Variants in SLTM observed in about 807,000 individuals in gnomAD.
The protein encoded by SLTM is SAFB-like transcription modulator.
SLTM carries 43 observed loss-of-function variants against 134.6 expected under a neutral mutation model. That is an observed-to-expected ratio of 0.32 (90% CI 0.25 to 0.41). SLTM has a LOEUF of 0.41. Ranked by LOEUF, SLTM falls within the 10% of genes least tolerant of loss-of-function variation. The pLI is 1.00. For missense variants in SLTM, 1,055 were observed against 1,288.8 expected, an observed-to-expected ratio of 0.82 and a Z score of 2.78; for synonymous variants, 424 against 432.3, an observed-to-expected ratio of 0.98 and a Z score of 0.24.
At position 58,929,331 on chromosome 15, in the gene SLTM, T is replaced by C. The variant is rs923292320; in HGVS notation, c.250+3025A>G. On this transcript the variant is annotated intron_variant, in intron 2 of 20. Transcript: ENST00000380516. ...GGAGTGGTGGCGCATGCCTGTAATC[T>C]CAGCTACTCGGGAGGCTGAGGCAGG... Among the ~76,000 whole-genome samples the C allele has an allele frequency of 5.9e-5, 9 of 152,050 alleles. No individual in the cohort carries two copies. In the East Asian group the frequency reaches 1.7e-3, roughly 29 times the overall value.
chr15:58,933,399 C>A lies in SLTM; in HGVS notation c.162+5G>T, dbSNP rs944267144. The A allele has an allele frequency of 7.0e-6, 11 of 1,576,522 alleles. No individual in the cohort carries two copies. The African/African-American group carries it at 1.5e-4, about 22-fold the overall frequency. On this transcript the variant is annotated splice_donor_5th_base_variant and intron_variant, in intron 1 of 20. Coordinates refer to ENST00000380516, the MANE Select transcript of SLTM (RefSeq NM_024755.4). ...CGGTCCTTTCCGGTCCTCGCCGGGC[C>A]TCACCTGCTTGAGTCGGGAGATGAG...
chr15:58,922,531 T>C (rs2037142060), intron 2 of SLTM, among the ~76,000 whole-genome samples: 1 of 98,534 alleles, frequency 1.0e-5, no homozygotes, highest in Non-Finnish European at 1.9e-5. Flanking sequence ...TTTATACGTA[T>C]ATAATATATT....
intron 14 of SLTM, among the ~76,000 whole-genome samples, chr15:58,891,990 A>T (rs189057766): frequency 6.6e-6 from 1 of 152,290 alleles, no homozygotes; most frequent in Admixed American, 6.5e-5. Flanking sequence ...TTTGGACTTC[A>T]TCTTAAAAAA....
At chr15:58,887,181 C>A in intron 18 of SLTM, 45 bp downstream of exon 18, 1 of 1,611,570 alleles carries the variant, frequency 6.2e-7, no homozygotes, top group South Asian at 1.1e-5. Flanking sequence ...TTTTTAACCC[C>A]AATGCATGAG....
At chr15:58,887,658 G>A (rs1416442627) in intron 17 of SLTM, 118 bp from the exon 18 acceptor site, 4 of 1,465,056 alleles carry the variant, frequency 2.7e-6, no homozygotes, top group Admixed American at 5.3e-5. Flanking sequence ...TTAAGGCAAA[G>A]CCATGGAAAA....
intron 2 of SLTM, chr15:58,932,010 A>G (rs2037913092): frequency 5.8e-6 from 1 of 173,566 alleles, no homozygotes; most frequent in Admixed American, 5.8e-5. Context: ...TTTGGTAGGA[A>G]TTCCATCAAA....
intron 11 of SLTM, 44 bp downstream of exon 11, chr15:58,894,046 G>C (rs1241629502): frequency 5.0e-6 from 8 of 1,599,418 alleles, no homozygotes; most frequent in Non-Finnish European, 6.8e-6. Context: ...TACCAAAAAA[G>C]TCTATCTGCT....
At chr15:58,894,021 G>C in intron 11 of SLTM, 34 bp from the exon 12 acceptor site, 1 of 1,601,634 alleles carries the variant, frequency 6.2e-7, no homozygotes, top group Non-Finnish European at 8.5e-7. Flanking sequence ...AAAACAGAAT[G>C]AGTACTTCAT....
At position 58,894,646 on chromosome 15, in the gene SLTM, C is replaced by T. The variant is rs557523655; in HGVS notation, c.1228-64G>A. 1.5e-4 allele frequency: 212 copies of T among 1,417,066 alleles called. 2 individuals carry two copies. In the East Asian group the frequency reaches 4.6e-3, roughly 31 times the overall value. The allele number at this position is 1,417,066 out of a possible 1,614,324, so 87.8% of individuals were successfully genotyped here. A position where few individuals can be genotyped will look rare whatever the true frequency, so the allele number is the denominator to read the frequency against. ...TTCCAAGTACACAGACTTCTAAATA[C>T]ATGAAACTTCACAACTGAAACTATA... On this transcript the variant is annotated intron_variant, in intron 9 of 20. Transcript: ENST00000380516.
chr15:58,923,368 T>C (rs1448855191), intron 2 of SLTM, among the ~76,000 whole-genome samples: 2 of 151,926 alleles, frequency 1.3e-5, no homozygotes, highest in African/African-American at 2.4e-5. Context: ...AACAAACAAA[T>C]AAATAAAATA....
Position 58,893,885 on chromosome 15 carries a change from ATTC to A in SLTM, c.1581_1583del (p.Lys527del), listed in dbSNP as rs1368685906. ...ATGTTTGGCCACTTGCTCCATTATC[ATTC>A]TTCTCATCTTTACCTTCTATTTTCT... On this transcript the variant is annotated inframe_deletion, in exon 12 of 21. Transcript: ENST00000380516. 3 of 1,613,066 alleles carry A rather than the reference ATTC, an allele frequency of 1.9e-6. No individual in the cohort carries two copies. Among genetic ancestry groups the A allele is most frequent in the Non-Finnish European group, 1.7e-6 (2 of 1,179,776 alleles).
chr15:58,932,143 T>C (rs2037922713), intron 2 of SLTM: 2 of 476,580 alleles, frequency 4.2e-6, no homozygotes, highest in South Asian at 5.4e-5. Context: ...TAAAGAACTG[T>C]TCTCACTTTC....
intron 2 of SLTM, chr15:58,932,048 CA>C (rs2037916003): frequency 5.0e-6 from 1 of 201,948 alleles, no homozygotes. Context: ...GCAAGGTAGA[CA>C]TGTGTTAAAC....
At chr15:58,925,873 A>G (rs1472094093) in intron 2 of SLTM, among the ~76,000 whole-genome samples, 2 of 152,188 alleles carry the variant, frequency 1.3e-5, no homozygotes, top group African/African-American at 4.8e-5. Flanking sequence ...AAAAGAAAAT[A>G]GTCCTGCTTA....
chr15:58,899,830 TATGAGCTTCCATCTCTTC>T lies in SLTM; in HGVS notation c.679_696del (p.Glu227_His232del). The T allele has an allele frequency of 6.2e-7, 1 of 1,614,170 alleles. No individual in the cohort carries two copies. Among genetic ancestry groups the T allele is most frequent in the Non-Finnish European group, 8.5e-7 (1 of 1,180,020 alleles). ...TCATCCTCAGCTTCTTTCACAGTCG[TATGAGCTTCCATCTCTTC>T]ATGAGCTGTGTGATCAGCCTCAGCT... On this transcript the variant is annotated inframe_deletion, in exon 7 of 21. Coordinates refer to ENST00000380516, the MANE Select transcript of SLTM (RefSeq NM_024755.4). This position sits in a 1 kb window ranked among gnomAD's most constrained non-coding sequence, Gnocchi z 5.0.
intron 2 of SLTM, among the ~76,000 whole-genome samples, chr15:58,921,024 G>T (rs767055163): frequency 1.3e-5 from 2 of 152,124 alleles, no homozygotes; most frequent in Non-Finnish European, 2.9e-5. Context: ...TCAGCATAAT[G>T]ACAAATTGCA....
In SLTM at chr15:58,893,345, A is replaced by G. The variant is rs2034815262; in HGVS notation, c.1668T>C (p.His556=). The change falls in exon 13 of 21, where the codon CAT becomes CAC. Residue 556 remains histidine (H), a synonymous_variant. Coordinates refer to ENST00000380516, the MANE Select transcript of SLTM (RefSeq NM_024755.4). ...CTTTAGTTTGGTCTAGTATTACCAT[A>G]TGTCCTGGACTCTTGGAACCTAAGG... ...KKRISSKSPG[H]MVILDQTKGD... 2.5e-6 allele frequency: 4 copies of G among 1,608,942 alleles called. No homozygotes were observed. The highest frequency in any genetic ancestry group is 3.3e-4 in the Middle Eastern group (2 of 6,052).
intron 19 of SLTM, 114 bp downstream of exon 19, chr15:58,886,861 A>G: frequency 7.8e-7 from 1 of 1,284,432 alleles, no homozygotes; most frequent in Non-Finnish European, 1.1e-6. Flanking sequence ...CCTCTGAATC[A>G]TTCCAATCTA....
intron 9 of SLTM, among the ~76,000 whole-genome samples, chr15:58,895,346 A>C (rs545940215): frequency 2.0e-5 from 3 of 152,316 alleles, no homozygotes; most frequent in South Asian, 2.1e-4. Context: ...AAACACCCTA[A>C]AGCTTGAAAG....
Sources: gnomAD v4.1 joint callset for allele counts (sites outside exome capture counted in the v4.1 genomes callset) on GRCh38, gnomAD v4.1.1 for gene constraint, Gnocchi (gnomAD v3.1) non-coding constraint, MANE v1.5 for transcripts, NCBI Gene and HGNC (gene_info 2026-07-23, HGNC 2026-07-21) for gene names.